The following EVI5 variants were observed in gnomAD, a reference collection of about 807,000 sequenced individuals.
EVI5 encodes ecotropic viral integration site 5 protein homolog.
EVI5 carries 73 observed loss-of-function variants against 112.0 expected under a neutral mutation model. That is an observed-to-expected ratio of 0.65 (90% CI 0.54 to 0.79). The LOEUF is 0.79. Among genes scored for constraint, EVI5 ranks in the 30% least tolerant of loss-of-function variants. The pLI is 0.00. For missense variants in EVI5, 900 were observed against 968.8 expected, an observed-to-expected ratio of 0.93 and a Z score of 0.94; for synonymous variants, 305 against 319.9, an observed-to-expected ratio of 0.95 and a Z score of 0.50.
At chr1:92,670,634 A>C (rs1181139821) in intron 10 of EVI5, among the ~76,000 whole-genome samples, 1 of 152,184 alleles carries the variant, frequency 6.6e-6, no homozygotes, top group Non-Finnish European at 1.5e-5. Context: ...ACTGATCACT[A>C]AATTCAATAT....
chr1:92,788,347 G>A (rs1204418347), upstream of EVI5, among the ~76,000 whole-genome samples: 2 of 151,814 alleles, frequency 1.3e-5, no homozygotes, highest in African/African-American at 2.4e-5. Flanking sequence ...GGTGGCGTGT[G>A]CCTGTAATCT....
chr1:92,584,840 C>T (rs576130373), intron 18 of EVI5, among the ~76,000 whole-genome samples: 1 of 152,136 alleles, frequency 6.6e-6, no homozygotes, highest in Non-Finnish European at 1.5e-5. Context: ...AAATATTTGG[C>T]TAGTATTTTT....
In EVI5 at chr1:92,649,303, T is replaced by A. The variant is rs149418406; in HGVS notation, c.1393-12967A>T. 2.6e-5 allele frequency among the ~76,000 whole-genome samples: 4 copies of A among 152,332 alleles called. No homozygotes were observed. The East Asian group carries it at 7.7e-4, about 29-fold the overall frequency. On this transcript the variant is annotated intron_variant, in intron 13 of 19. Transcript: ENST00000684568. Reference sequence around the variant, plus strand: ...ATCAGCTACAAAACTTGCAACTATTTTCTACCATTCTACAGGTTGCCTTTT... The same window carrying A: ...ATCAGCTACAAAACTTGCAACTATTATCTACCATTCTACAGGTTGCCTTTT...
intron 16 of EVI5, among the ~76,000 whole-genome samples, chr1:92,612,572 T>C (rs1652097335): frequency 6.6e-6 from 1 of 151,964 alleles, no homozygotes; most frequent in Non-Finnish European, 1.5e-5. Flanking sequence ...TAGCCAGATG[T>C]GGTAGCATGC....
chr1:92,703,146 T>A (rs906214508), intron 4 of EVI5, among the ~76,000 whole-genome samples: 1 of 152,162 alleles, frequency 6.6e-6, no homozygotes, highest in African/African-American at 2.4e-5. Flanking sequence ...GATCCCTCTA[T>A]GATATGTGAC....
intron 2 of EVI5, among the ~76,000 whole-genome samples, chr1:92,721,381 C>T (rs1674728172): frequency 1.3e-5 from 2 of 152,116 alleles, no homozygotes; most frequent in African/African-American, 4.8e-5. Context: ...TTTGTAGGGA[C>T]ATGGATAAAG....
At chr1:92,643,448 T>A (rs1660374303) in intron 13 of EVI5, among the ~76,000 whole-genome samples, 1 of 151,936 alleles carries the variant, frequency 6.6e-6, no homozygotes, top group South Asian at 2.1e-4. Context: ...CTTGGCTAAT[T>A]TTTTTTATTT....
chr1:92,665,638 T>C (rs1664764010), intron 11 of EVI5, among the ~76,000 whole-genome samples: 1 of 152,198 alleles, frequency 6.6e-6, no homozygotes, highest in Non-Finnish European at 1.5e-5. Context: ...CAGAATGGAC[T>C]CCCAACTAAA....
intron 18 of EVI5, among the ~76,000 whole-genome samples, chr1:92,581,328 T>C (rs1671900768): frequency 6.6e-6 from 1 of 152,200 alleles, no homozygotes; most frequent in Non-Finnish European, 1.5e-5. Flanking sequence ...AAAACCTGAG[T>C]TTTAGGATTC....
chr1:92,732,418 C>A, intron 2 of EVI5: 1 of 252,644 alleles, frequency 4.0e-6, no homozygotes. Context: ...AGTGAAACAG[C>A]TGCAAAGGAA....
intron 15 of EVI5, among the ~76,000 whole-genome samples, chr1:92,624,689 C>CAAAAAAAAAAA (rs141559165): frequency 1.9e-5 from 1 of 51,734 alleles, no homozygotes; most frequent in Non-Finnish European, 3.3e-5. Context: ...GTCTCTACTT[C>CAAAAAAAAAAA]AAAAAAAAAA....
chr1:92,703,348 C>T, intron 4 of EVI5, 47 bp downstream of exon 4: 1 of 1,135,476 alleles, frequency 8.8e-7, no homozygotes, highest in Non-Finnish European at 1.3e-6. Flanking sequence ...TAATTTCAAC[C>T]TTCCAGGAAT....
chr1:92,677,424 A>C (rs1666934227), intron 9 of EVI5, among the ~76,000 whole-genome samples: 1 of 152,220 alleles, frequency 6.6e-6, no homozygotes, highest in South Asian at 2.1e-4. Flanking sequence ...CAAAAATAAA[A>C]ACCACACAAA....
At chr1:92,538,648 A>T (rs1664279070) in intron 19 of EVI5, among the ~76,000 whole-genome samples, 1 of 152,202 alleles carries the variant, frequency 6.6e-6, no homozygotes, top group Non-Finnish European at 1.5e-5. Flanking sequence ...CAAAAAAACT[A>T]AACAGCTGAT....
intron 1 of EVI5, among the ~76,000 whole-genome samples, chr1:92,753,185 T>C (rs572144741): frequency 6.6e-6 from 1 of 152,122 alleles, no homozygotes; most frequent in East Asian, 1.9e-4. Flanking sequence ...ACTGAATATT[T>C]TGATGGGTTA....
intron 14 of EVI5, among the ~76,000 whole-genome samples, chr1:92,628,193 C>T (rs914461563): frequency 6.6e-6 from 1 of 152,174 alleles, no homozygotes; most frequent in Non-Finnish European, 1.5e-5. Context: ...TTTCGTCTTA[C>T]TGATTTGAGT....
At chr1:92,578,006 C>T (rs1045565467) in intron 18 of EVI5, among the ~76,000 whole-genome samples, 3 of 152,084 alleles carry the variant, frequency 2.0e-5, no homozygotes, top group African/African-American at 4.8e-5. Context: ...TAAGGAAAGG[C>T]GCTATGGTGC....
At chr1:92,741,531 G>GA (rs535278310) in intron 1 of EVI5, among the ~76,000 whole-genome samples, 4 of 151,912 alleles carry the variant, frequency 2.6e-5, no homozygotes, top group Non-Finnish European at 4.4e-5. Flanking sequence ...CTCTATTTTC[G>GA]AAAAGGGCCT....
intron 1 of EVI5, among the ~76,000 whole-genome samples, chr1:92,780,712 A>G (rs1306594299): frequency 6.6e-5 from 10 of 152,272 alleles, no homozygotes; most frequent in Admixed American, 6.5e-4. Context: ...TCTATATAGA[A>G]AAAAGTGAAT....
Sources: allele counts gnomAD v4.1 joint callset (sites outside exome capture counted in the v4.1 genomes callset), GRCh38; gene constraint gnomAD v4.1.1; transcripts MANE v1.5; gene names NCBI Gene and HGNC (gene_info 2026-07-23, HGNC 2026-07-21).